EYS: variants seen among roughly 807,000 people sequenced by gnomAD.
EYS encodes the protein protein eyes shut homolog.
Under a neutral mutation model 282.1 loss-of-function variants are expected in EYS, and 250 were observed. That is an observed-to-expected ratio of 0.89 (90% CI 0.80 to 0.98). The LOEUF (loss-of-function observed/expected upper bound fraction) is 0.98. EYS is among the 50% of genes least tolerant of loss of function. The pLI is 0.00. For missense variants in EYS, 4,016 were observed against 3,709.0 expected (o/e 1.08, Z -2.15); for synonymous variants, 1,355 against 1,282.9 (o/e 1.06, Z -1.20).
chr6:65,054,424 T>G (rs1374719361), intron 13 of EYS, among the ~76,000 whole-genome samples: 1 of 152,036 alleles, frequency 6.6e-6, no homozygotes, highest in Non-Finnish European at 1.5e-5. Flanking sequence ...GAGATATTTT[T>G]ATGAACCACA....
At chr6:64,532,258 G>A (rs2150532554) in intron 26 of EYS, among the ~76,000 whole-genome samples, 1 of 152,268 alleles carries the variant, frequency 6.6e-6, no homozygotes, top group Admixed American at 6.5e-5. Flanking sequence ...ATCTTGCTCA[G>A]ATCCCAAGTC....
chr6:63,956,113 A>T (rs1266914459), intron 35 of EYS, among the ~76,000 whole-genome samples: 2 of 151,932 alleles, frequency 1.3e-5, no homozygotes. Flanking sequence ...CTGCCCCAAC[A>T]CTTCAACACT....
intron 12 of EYS, among the ~76,000 whole-genome samples, chr6:65,266,989 T>TATATATATAGAGAGAG (rs144200033): frequency 7.0e-6 from 1 of 142,072 alleles, no homozygotes; most frequent in African/African-American, 2.6e-5. Flanking sequence ...TATATATATA[T>TATATATATAGAGAGAG]AGAGAGAGAG....
At chr6:64,240,679 C>G (rs148581506) in intron 30 of EYS, among the ~76,000 whole-genome samples, 12 of 152,268 alleles carry the variant, frequency 7.9e-5, no homozygotes, top group Admixed American at 2.0e-4. Flanking sequence ...TCTAAATATA[C>G]AATCACGTCA....
chr6:65,459,967 T>TA (rs2150408738), intron 5 of EYS, among the ~76,000 whole-genome samples: 5 of 56,792 alleles, frequency 8.8e-5, no homozygotes, highest in South Asian at 6.8e-4. Context: ...GTTTGTGTAT[T>TA]TTATATATAT....
At chr6:65,476,717 C>T (rs1260677241) in intron 5 of EYS, among the ~76,000 whole-genome samples, 12 of 152,032 alleles carry the variant, frequency 7.9e-5, no homozygotes. Context: ...GCTGGGACTA[C>T]AGGCGCGTGC....
rs1220203289 is a variant in EYS at position 64,902,033 on chromosome 6, C to T, written c.2846+80G>A. 4.3e-6 allele frequency: 4 copies of T among 926,590 alleles called. No homozygotes were observed. The African/African-American group carries it at 5.3e-5, about 12-fold the overall frequency. The allele number at this position is 926,590 out of a possible 1,614,324, so 57.4% of individuals were successfully genotyped here. A position where few individuals can be genotyped will look rare whatever the true frequency, so the allele number is the denominator to read the frequency against. On this transcript the variant is annotated intron_variant, in intron 18 of 42. Coordinates refer to ENST00000503581, the MANE Select transcript of EYS (RefSeq NM_001142800.2). ...CAGTGGTGATCAGCTGCCTTAGTTA[C>T]ATAATGAGCACATGTGTGCTCACTT...
At chr6:64,468,297 A>G (rs889579080) in intron 26 of EYS, among the ~76,000 whole-genome samples, 1 of 152,246 alleles carries the variant, frequency 6.6e-6, no homozygotes, top group African/African-American at 2.4e-5. Context: ...TCACACGAAG[A>G]TTACATTACT....
intron 2 of EYS, among the ~76,000 whole-genome samples, chr6:65,540,937 G>C (rs919082044): frequency 6.6e-6 from 1 of 151,994 alleles, no homozygotes; most frequent in African/African-American, 2.4e-5. Context: ...AAAAATTAGA[G>C]AAAGGTAATT....
chr6:64,071,513 ATAAAT>A (rs1261032903), intron 32 of EYS, among the ~76,000 whole-genome samples: 2 of 151,636 alleles, frequency 1.3e-5, no homozygotes. Context: ...CAGTTACTAC[ATAAAT>A]TAATAAGTAA....
intron 26 of EYS, among the ~76,000 whole-genome samples, chr6:64,449,869 A>G (rs1259478897): frequency 6.6e-6 from 1 of 152,166 alleles, no homozygotes; most frequent in Admixed American, 6.5e-5. Context: ...CTAAACATGG[A>G]AAGGAACAAC....
chr6:65,091,721 C>T (rs1461167375), intron 12 of EYS, among the ~76,000 whole-genome samples: 1 of 152,096 alleles, frequency 6.6e-6, no homozygotes, highest in Non-Finnish European at 1.5e-5. Flanking sequence ...CCAAGGCTGA[C>T]ATCCAGTACA....
chr6:64,913,328 G>A (rs1768059915), intron 15 of EYS, among the ~76,000 whole-genome samples: 1 of 152,086 alleles, frequency 6.6e-6, no homozygotes, highest in Non-Finnish European at 1.5e-5. Context: ...TAATGCTGTA[G>A]TTTGGGCTTT....
chr6:64,944,851 T>C (rs1352408382), intron 15 of EYS, among the ~76,000 whole-genome samples: 1 of 152,112 alleles, frequency 6.6e-6, no homozygotes, highest in Non-Finnish European at 1.5e-5. Context: ...TATTCTTTAC[T>C]CCACTGACAT....
At chr6:64,901,655 T>C (rs1453254848) in intron 18 of EYS, among the ~76,000 whole-genome samples, 1 of 152,090 alleles carries the variant, frequency 6.6e-6, no homozygotes, top group African/African-American at 2.4e-5. Flanking sequence ...TTGAAAACTT[T>C]AATATCATTG....
intron 12 of EYS, among the ~76,000 whole-genome samples, chr6:65,102,785 T>G (rs1372085466): frequency 6.6e-6 from 1 of 151,302 alleles, no homozygotes; most frequent in Non-Finnish European, 1.5e-5. Context: ...TTATGAAAAT[T>G]AAAGCTCATT....
intron 9 of EYS, among the ~76,000 whole-genome samples, chr6:65,344,939 A>G (rs1770338762): frequency 6.6e-6 from 1 of 151,734 alleles, no homozygotes; most frequent in South Asian, 2.1e-4. Context: ...GTATTTATCT[A>G]AAGAATCTTT....
chr6:64,905,655 A>T (rs2150073270), intron 16 of EYS, among the ~76,000 whole-genome samples: 1 of 152,316 alleles, frequency 6.6e-6, no homozygotes, highest in Middle Eastern at 3.4e-3. Context: ...GATTGTAGGT[A>T]TTATTTTTTA....
chr6:65,322,069 G>A (rs1317223580), intron 11 of EYS, among the ~76,000 whole-genome samples: 1 of 152,154 alleles, frequency 6.6e-6, no homozygotes. Context: ...AGATGGAGAC[G>A]CTTAGCCTAA....
Sources: allele counts gnomAD v4.1 joint callset (sites outside exome capture counted in the v4.1 genomes callset), GRCh38; gene constraint gnomAD v4.1.1; transcripts MANE v1.5; gene names NCBI Gene and HGNC (gene_info 2026-07-23, HGNC 2026-07-21).